GABRG3: variants seen among roughly 807,000 people sequenced by gnomAD.
GABRG3 encodes the protein gamma-aminobutyric acid receptor subunit gamma-3.
GABRG3 carries 25 observed loss-of-function variants against 48.8 expected under a neutral mutation model. That is an observed-to-expected ratio of 0.51 (90% CI 0.37 to 0.72). The LOEUF is 0.72. GABRG3 is among the 30% of genes least tolerant of loss of function. The pLI, the probability that GABRG3 is intolerant of heterozygous loss-of-function variation, is 0.00. For synonymous variants in GABRG3, 227 were observed against 217.6 expected (o/e 1.04, Z -0.38); for missense variants, 394 against 577.9 (o/e 0.68, Z 3.26).
At chr15:27,260,617 A>G (rs1440257888) in intron 3 of GABRG3, among the ~76,000 whole-genome samples, 1 of 152,230 alleles carries the variant, frequency 6.6e-6, no homozygotes, top group African/African-American at 2.4e-5. Flanking sequence ...GGACTTGAGC[A>G]TCTGTAGATT....
chr15:27,260,893 T>C (rs934555006), intron 3 of GABRG3, among the ~76,000 whole-genome samples: 13 of 151,992 alleles, frequency 8.6e-5, no homozygotes, highest in African/African-American at 3.1e-4. Flanking sequence ...GAGGCAGGTG[T>C]GCACTGAGAG....
chr15:27,022,284 A>G (rs1246901420), intron 2 of GABRG3, among the ~76,000 whole-genome samples: 1 of 152,204 alleles, frequency 6.6e-6, no homozygotes, highest in Admixed American at 6.5e-5. Flanking sequence ...ATCTAGAATC[A>G]GATCAGCCAG....
At chr15:27,136,351 G>A (rs1484162709) in intron 3 of GABRG3, among the ~76,000 whole-genome samples, 2 of 152,210 alleles carry the variant, frequency 1.3e-5, no homozygotes, top group East Asian at 1.9e-4. Flanking sequence ...CTTTGAAAGA[G>A]TAATTTTCAA....
intron 5 of GABRG3, among the ~76,000 whole-genome samples, chr15:27,387,569 C>G (rs1328819384): frequency 6.6e-6 from 1 of 151,874 alleles, no homozygotes; most frequent in African/African-American, 2.4e-5. Flanking sequence ...GGTGTATCTC[C>G]AGGACTTGAT....
chr15:27,121,762 A>G (rs1189633790), intron 3 of GABRG3, among the ~76,000 whole-genome samples: 3 of 152,230 alleles, frequency 2.0e-5, no homozygotes, highest in Non-Finnish European at 4.4e-5. Context: ...TTGAGTCTAT[A>G]AGATCTGTTT....
rs538425174 is a variant in GABRG3, at chr15:27,091,510, A to G, written c.270+64689A>G. ...AGAGTTAGAAGTTTCCTCCTCTTCTATTTTTGGAGGAGTTTGAGAAGGACT... is the reference window on the plus strand; with the variant it reads ...AGAGTTAGAAGTTTCCTCCTCTTCTGTTTTTGGAGGAGTTTGAGAAGGACT... On this transcript the variant is annotated intron_variant, in intron 3 of 9. Transcript: ENST00000615808. Among the ~76,000 whole-genome samples, 12 of 152,160 alleles carry G rather than the reference A, an allele frequency of 7.9e-5. No homozygotes were observed. The South Asian group carries it at 2.3e-3, about 29-fold the overall frequency.
chr15:27,069,484 T>A (rs992836353), intron 3 of GABRG3, among the ~76,000 whole-genome samples: 3 of 152,332 alleles, frequency 2.0e-5, no homozygotes, highest in African/African-American at 7.2e-5. Context: ...CTGTACACTG[T>A]CAGAGAGACT....
chr15:27,282,936 G>A (rs1416013905), intron 3 of GABRG3, among the ~76,000 whole-genome samples: 1 of 152,140 alleles, frequency 6.6e-6, no homozygotes, highest in Non-Finnish European at 1.5e-5. Context: ...AACAGAAGGT[G>A]GTGGAGACGG....
intron 3 of GABRG3, among the ~76,000 whole-genome samples, chr15:27,275,781 C>A (rs1349746145): frequency 6.6e-6 from 1 of 152,228 alleles, no homozygotes; most frequent in African/African-American, 2.4e-5. Context: ...AAATTAAAAT[C>A]ACCAAGAGAA....
At chr15:27,145,637 CTATCTATCTATCTATCTATCTATCTATT>C (rs1424221990) in intron 3 of GABRG3, among the ~76,000 whole-genome samples, 2 of 142,766 alleles carry the variant, frequency 1.4e-5, no homozygotes, top group African/African-American at 2.5e-5. Context: ...ATCTATCTAT[CTATCTATCTATCTATCTATCTATCTATT>C]GTGCCAGAAG....
At chr15:27,093,209 G>T (rs1405384961) in intron 3 of GABRG3, among the ~76,000 whole-genome samples, 1 of 152,112 alleles carries the variant, frequency 6.6e-6, no homozygotes, top group Non-Finnish European at 1.5e-5. Context: ...ATGTGGCCAG[G>T]TTGGTGAGGT....
At chr15:27,229,730 G>C (rs1456863799) in intron 3 of GABRG3, among the ~76,000 whole-genome samples, 2 of 152,070 alleles carry the variant, frequency 1.3e-5, no homozygotes, top group Non-Finnish European at 2.9e-5. Context: ...GCCCGCCTCG[G>C]ACCCCCAAAG....
chr15:27,168,268 C>T (rs1887446688), intron 3 of GABRG3, among the ~76,000 whole-genome samples: 1 of 152,172 alleles, frequency 6.6e-6, no homozygotes, highest in East Asian at 1.9e-4. Context: ...TTGAAGCTCT[C>T]ATTCAATCAG....
At chr15:27,516,049 T>A (rs1190325247) in intron 6 of GABRG3, among the ~76,000 whole-genome samples, 1 of 151,824 alleles carries the variant, frequency 6.6e-6, no homozygotes, top group African/African-American at 2.4e-5. Flanking sequence ...TTTGCTTATA[T>A]ATTTGGTATT....
chr15:27,383,399 A>G (rs768288012), intron 5 of GABRG3, among the ~76,000 whole-genome samples: 1 of 152,196 alleles, frequency 6.6e-6, no homozygotes, highest in African/African-American at 2.4e-5. Flanking sequence ...GATATGCCCC[A>G]TAGAAACTAG....
rs112187734 is a variant in GABRG3, at chr15:27,083,892, T to C, written c.270+57071T>C. On this transcript the variant is annotated intron_variant, in intron 3 of 9. Transcript: ENST00000615808. ...TTTATATTTCTTCAATAAGCCTCCG[T>C]GTTGACATGCTGTGAAGGTAAGCTG... Among the ~76,000 whole-genome samples, 866 of 152,360 alleles carry C rather than the reference T, an allele frequency of 5.7e-3. 16 individuals are homozygous for C. Among genetic ancestry groups the C allele is most frequent in the African/African-American group, 0.019 (806 of 41,588 alleles).
rs1891593687 is a variant in GABRG3, at chr15:27,538,247, A to C, written c.*5366A>C. Reference sequence around the variant, plus strand: ...TTGTCCTGCTTACTTATAAAAGCCAAATTTTAGGCGAACTTAAATAAATCA... The same window carrying C: ...TTGTCCTGCTTACTTATAAAAGCCACATTTTAGGCGAACTTAAATAAATCA... On this transcript the variant is annotated 3_prime_UTR_variant, in exon 10 of 10. Coordinates refer to ENST00000615808, the MANE Select transcript of GABRG3 (RefSeq NM_033223.5). 1 of 152,212 alleles carries C rather than the reference A, an allele frequency of 6.6e-6. No individual in the cohort carries two copies. The highest frequency in any genetic ancestry group is 2.4e-5 in the African/African-American group (1 of 41,460). 9.4% of individuals were successfully genotyped at this position (152,212 alleles called of 1,614,324 possible).
intron 3 of GABRG3, among the ~76,000 whole-genome samples, chr15:27,268,565 A>G (rs1040323041): frequency 6.6e-6 from 1 of 151,928 alleles, no homozygotes; most frequent in Non-Finnish European, 1.5e-5. Flanking sequence ...TTGGAGGCAG[A>G]TGTGGTATCA....
chr15:27,269,760 T>C (rs1891025360), intron 3 of GABRG3, among the ~76,000 whole-genome samples: 1 of 152,206 alleles, frequency 6.6e-6, no homozygotes, highest in South Asian at 2.1e-4. Context: ...GAGGATCATG[T>C]ATCAAAAGGC....
Sources: allele counts gnomAD v4.1 joint callset (sites outside exome capture counted in the v4.1 genomes callset), GRCh38; gene constraint gnomAD v4.1.1; transcripts MANE v1.5; gene names NCBI Gene and HGNC (gene_info 2026-07-23, HGNC 2026-07-21).